The following CADPS2 variants were observed in gnomAD, a reference collection of about 807,000 sequenced individuals.
CADPS2 encodes calcium dependent secretion activator 2.
A neutral mutation model predicts 172.5 loss-of-function variants in CADPS2; 93 were observed. The ratio of observed to expected loss-of-function variants is 0.54; its 90% confidence interval spans 0.46 to 0.64. The LOEUF is 0.64. Among genes scored for constraint, CADPS2 ranks in the 30% least tolerant of loss-of-function variants. The pLI is 0.00. For missense variants in CADPS2, 1,420 were observed against 1,565.9 expected, an observed-to-expected ratio of 0.91 and a Z score of 1.57; for synonymous variants, 546 against 555.2, an observed-to-expected ratio of 0.98 and a Z score of 0.23.
intron 1 of CADPS2, among the ~76,000 whole-genome samples, chr7:122,760,045 T>C (rs1562952388): frequency 6.6e-6 from 1 of 151,882 alleles, no homozygotes; most frequent in Non-Finnish European, 1.5e-5. Flanking sequence ...CCTATGCTTA[T>C]AGTACAATGA....
In CADPS2 at chr7:122,721,841, C is replaced by T. The variant is rs568226356; in HGVS notation, c.453+15114G>A. Reference sequence around the variant, plus strand: ...AGCAGCATATCAAAAAGCTTATCCACCACGATCAAGTGGGCTTCATCCCTG... The same window carrying T: ...AGCAGCATATCAAAAAGCTTATCCATCACGATCAAGTGGGCTTCATCCCTG... On this transcript the variant is annotated intron_variant, in intron 2 of 29. Transcript: ENST00000449022. Among the ~76,000 whole-genome samples the T allele has an allele frequency of 1.4e-4, 22 of 152,248 alleles. No homozygotes were observed. The East Asian group carries it at 3.7e-3, about 25-fold the overall frequency.
At chr7:122,747,203 C>T (rs781358417) in intron 1 of CADPS2, among the ~76,000 whole-genome samples, 1 of 151,926 alleles carries the variant, frequency 6.6e-6, no homozygotes, top group African/African-American at 2.4e-5. Flanking sequence ...GAAAGCCATT[C>T]CCCCCAACAC....
chr7:122,605,945 A>G (rs1274370171), intron 6 of CADPS2, among the ~76,000 whole-genome samples: 2 of 152,132 alleles, frequency 1.3e-5, no homozygotes, highest in Non-Finnish European at 2.9e-5. Context: ...GCATTATTAT[A>G]GCAATGTCCA....
At chr7:122,381,437 C>G (rs955529626) in intron 24 of CADPS2, among the ~76,000 whole-genome samples, 1 of 152,096 alleles carries the variant, frequency 6.6e-6, no homozygotes, top group African/African-American at 2.4e-5. Context: ...CCTAAACATG[C>G]CTTATCCCCA....
intron 11 of CADPS2, among the ~76,000 whole-genome samples, chr7:122,485,062 TTAA>T (rs1261799896): frequency 1.3e-5 from 2 of 152,198 alleles, no homozygotes; most frequent in African/African-American, 4.8e-5. Flanking sequence ...GATGGTAAAC[TTAA>T]TAAATGTTAT....
intron 3 of CADPS2, among the ~76,000 whole-genome samples, chr7:122,644,849 T>G (rs1474235222): frequency 6.6e-6 from 1 of 152,142 alleles, no homozygotes; most frequent in Non-Finnish European, 1.5e-5. Flanking sequence ...CCATTCTGTC[T>G]GCCAGATACA....
intron 29 of CADPS2, among the ~76,000 whole-genome samples, chr7:122,324,614 A>G (rs898258673): frequency 1.3e-5 from 2 of 152,002 alleles, no homozygotes; most frequent in Non-Finnish European, 2.9e-5. Context: ...ATACTCATAT[A>G]TACACACATT....
chr7:122,510,121 A>G (rs1055006853), intron 9 of CADPS2, among the ~76,000 whole-genome samples: 89 of 152,152 alleles, frequency 5.8e-4, no homozygotes, highest in Non-Finnish European at 2.4e-4. Context: ...CACCAATGAT[A>G]TCTTCCAAAT....
At chr7:122,324,468 T>C (rs2033388550) in intron 29 of CADPS2, among the ~76,000 whole-genome samples, 1 of 152,166 alleles carries the variant, frequency 6.6e-6, no homozygotes, top group Admixed American at 6.5e-5. Context: ...TGTTAATCTA[T>C]AGATTACTGG....
At chr7:122,386,293 A>G in intron 24 of CADPS2, 1 of 1,442,472 alleles carries the variant, frequency 6.9e-7, no homozygotes. Context: ...AATGAGACTT[A>G]CCCATTGACT....
chr7:122,426,432 T>C (rs962517684), intron 17 of CADPS2, among the ~76,000 whole-genome samples: 2 of 143,460 alleles, frequency 1.4e-5, no homozygotes, highest in African/African-American at 2.6e-5. Flanking sequence ...AAAGGGCTCC[T>C]CTTTGAAATT....
chr7:122,354,403 C>T (rs1163344230), intron 27 of CADPS2: 1 of 152,110 alleles, frequency 6.6e-6, no homozygotes. Flanking sequence ...GCCAGCAGTT[C>T]GGTTCCTCAG....
chr7:122,865,689 C>G (rs947884417), intron 1 of CADPS2, among the ~76,000 whole-genome samples: 2 of 152,182 alleles, frequency 1.3e-5, no homozygotes, highest in African/African-American at 4.8e-5. Context: ...GACCCACATT[C>G]TCTATAGACA....
Position 122,576,945 on chromosome 7 carries a change from G to A in CADPS2, c.1335+4234C>T, listed in dbSNP as rs1393311023. 2.6e-5 allele frequency among the ~76,000 whole-genome samples: 4 copies of A among 152,000 alleles called. No individual in the cohort carries two copies. In the East Asian group the frequency reaches 7.7e-4, roughly 29 times the overall value. ...TGGATAATTTTTTGTATTTTTAGTA[G>A]AGATAAGGTTTCACCATGTTGGCTA... is the stretch of plus-strand genomic sequence containing the variant. On this transcript the variant is annotated intron_variant, in intron 7 of 29. Coordinates refer to ENST00000449022, the MANE Select transcript of CADPS2 (RefSeq NM_017954.11).
chr7:122,508,454 T>TG (rs2059782932), intron 9 of CADPS2, among the ~76,000 whole-genome samples: 2 of 111,070 alleles, frequency 1.8e-5, no homozygotes, highest in African/African-American at 4.5e-5. Flanking sequence ...TTTAAGTTTT[T>TG]TTTTTTTTTT....
intron 1 of CADPS2, among the ~76,000 whole-genome samples, chr7:122,845,103 A>C (rs1811626519): frequency 1.3e-5 from 2 of 152,140 alleles, no homozygotes; most frequent in South Asian, 4.1e-4. Context: ...AAATCCCAGA[A>C]ATGAGGGAGA....
chr7:122,701,581 AAAGTAT>A, intron 2 of CADPS2: 1 of 230,052 alleles, frequency 4.3e-6, no homozygotes, highest in East Asian at 9.1e-5. Flanking sequence ...CCTAAAACTT[AAAGTAT>A]AATAAAAAAT....
chr7:122,852,188 A>T (rs1189847774), intron 1 of CADPS2, among the ~76,000 whole-genome samples: 1 of 152,220 alleles, frequency 6.6e-6, no homozygotes, highest in Non-Finnish European at 1.5e-5. Flanking sequence ...AATATAATTA[A>T]CACAACTGAA....
At position 122,557,402 on chromosome 7, in the gene CADPS2, G is replaced by C. The variant is rs150800193; in HGVS notation, c.1336-2713C>G. Reference sequence around the variant, plus strand: ...CAGGGTGTCTTCACAGTGCCTGCCAGATAGGATTTCATTATTGTAATTGGA... The same window carrying C: ...CAGGGTGTCTTCACAGTGCCTGCCACATAGGATTTCATTATTGTAATTGGA... On this transcript the variant is annotated intron_variant, in intron 7 of 29. Transcript: ENST00000449022. Among the ~76,000 whole-genome samples the C allele has an allele frequency of 3.9e-3, 601 of 152,234 alleles. 7 individuals are homozygous for C. The highest frequency in any genetic ancestry group is 0.014 in the African/African-American group (570 of 41,552).
Sources: allele counts gnomAD v4.1 joint callset (sites outside exome capture counted in the v4.1 genomes callset), GRCh38; gene constraint gnomAD v4.1.1; transcripts MANE v1.5; gene names NCBI Gene and HGNC (gene_info 2026-07-23, HGNC 2026-07-21).